Variants in FCRLA observed in about 807,000 individuals in gnomAD.
FCRLA encodes Fc receptor like A.
FCRLA carries 26 observed loss-of-function variants against 28.4 expected under a neutral mutation model. That is an observed-to-expected ratio of 0.91 (90% CI 0.67 to 1.27). The LOEUF is 1.27. Among genes scored for constraint, FCRLA ranks in the 50% most tolerant of loss-of-function variants. The pLI is 0.00. For missense variants in FCRLA, 422 were observed against 433.1 expected, an observed-to-expected ratio of 0.97 and a Z score of 0.23; for synonymous variants, 174 against 168.5, an observed-to-expected ratio of 1.03 and a Z score of -0.25.
chr1:161,708,478 C>A (rs978476781), intron 1 of FCRLA, among the ~76,000 whole-genome samples: 1 of 152,224 alleles, frequency 6.6e-6, no homozygotes, highest in Non-Finnish European at 1.5e-5. Flanking sequence ...CTGTACCCTG[C>A]AGACAGAGTA....
chr1:161,708,899 T>C (rs973871631), intron 1 of FCRLA, among the ~76,000 whole-genome samples: 1 of 152,242 alleles, frequency 6.6e-6, no homozygotes, highest in East Asian at 1.9e-4. Flanking sequence ...TGAGAGCTAT[T>C]TGTGGGTAGT....
In FCRLA at chr1:161,713,886, G is replaced by C. The variant is rs1683230113; in HGVS notation, c.*506G>C. 1 of 152,768 alleles carries C rather than the reference G, an allele frequency of 6.5e-6. No individual in the cohort carries two copies. The highest frequency in any genetic ancestry group is 1.5e-5 in the Non-Finnish European group (1 of 68,390). 9.5% of individuals were successfully genotyped at this position (152,768 alleles called of 1,614,324 possible). A position where few individuals can be genotyped will look rare whatever the true frequency, so the allele number is the denominator to read the frequency against. ...AAAAATAATCTGGCCCAAAATGTCA[G>C]TTGTACTGAGTTTGAGAAACCCCAG... is the stretch of plus-strand genomic sequence containing the variant. On this transcript the variant is annotated 3_prime_UTR_variant, in exon 5 of 5. Coordinates refer to ENST00000236938, the MANE Select transcript of FCRLA (RefSeq NM_032738.4).
chr1:161,709,735 G>C (rs1683004936), intron 1 of FCRLA, among the ~76,000 whole-genome samples: 1 of 152,132 alleles, frequency 6.6e-6, no homozygotes, highest in Admixed American at 6.5e-5. Context: ...CTGGAGGAGG[G>C]GGAGAATAGT....
intron 3 of FCRLA, chr1:161,711,699 T>A: frequency 1.4e-6 from 1 of 727,084 alleles, no homozygotes; most frequent in Non-Finnish European, 2.2e-6. Flanking sequence ...GATCTATGCT[T>A]CCTAGTGCTC....
At chr1:161,707,665 T>C (rs1409321312) in intron 1 of FCRLA, among the ~76,000 whole-genome samples, 1 of 152,204 alleles carries the variant, frequency 6.6e-6, no homozygotes, top group African/African-American at 2.4e-5. Context: ...TCTCACACGC[T>C]CCTCAATGCT....
chr1:161,710,753 TC>T lies in FCRLA; in HGVS notation c.80-6del. On this transcript the variant is annotated splice_polypyrimidine_tract_variant and splice_region_variant and intron_variant, in intron 1 of 4. Transcript: ENST00000236938. ...TTCTGGTTCTCCCTGGGCCATGCCCTCTTCAGCTGCCAGTTTTGAGACGCTG... is the reference window on the plus strand; with the variant it reads ...TTCTGGTTCTCCCTGGGCCATGCCCTTTCAGCTGCCAGTTTTGAGACGCTG... 6.2e-7 allele frequency: 1 copy of T among 1,614,198 alleles called. No individual in the cohort carries two copies. Among genetic ancestry groups the T allele is most frequent in the Non-Finnish European group, 8.5e-7 (1 of 1,180,040 alleles).
At chr1:161,711,768 T>C in intron 3 of FCRLA, 166 bp from the exon 4 acceptor site, 1 of 908,514 alleles carries the variant, frequency 1.1e-6, no homozygotes. Context: ...TTCCTAGTCC[T>C]GTCTACTTAC....
At chr1:161,711,169 A>T (rs762045219) in intron 2 of FCRLA, 39 bp from the exon 3 acceptor site, 2 of 1,577,208 alleles carry the variant, frequency 1.3e-6, no homozygotes, top group Admixed American at 3.5e-5. Context: ...CCCCCAAGGG[A>T]GGCCCTGGGT....
At position 161,710,912 on chromosome 1, in the gene FCRLA, G is replaced by A. The variant is rs1282666092; in HGVS notation, c.232G>A (p.Asp78Asn). Reference sequence around the variant, plus strand: ...ACCCTTCCACCTGATTGTGTCCTATGGTGAGGTCCTGGGAAGGCCTGAGCA... The same window carrying A: ...ACCCTTCCACCTGATTGTGTCCTATAGTGAGGTCCTGGGAAGGCCTGAGCA... ...SEPFHLIVSYDWLILQGPAKP... is the reference protein window; with the variant it reads ...SEPFHLIVSYNWLILQGPAKP... Residue 78 changes from aspartate to asparagine, a missense_variant and splice_region_variant, in exon 2 of 5, where the codon GAC (aspartate) becomes AAC (asparagine). Asp to Asn is a conservative substitution (Grantham distance 23). Transcript: ENST00000236938. 4 of 1,612,728 alleles carry A rather than the reference G, an allele frequency of 2.5e-6. No homozygotes were observed. In the South Asian group the frequency reaches 3.3e-5, roughly 13 times the overall value.
In FCRLA at chr1:161,713,387, A is replaced by AGT. The variant is rs1683210768; in HGVS notation, c.*7_*8insGT. On this transcript the variant is annotated 3_prime_UTR_variant, in exon 5 of 5. Transcript: ENST00000236938. ...AAAGGCTACTGCTGAATAGAAGTAA[A>AGT]CAGTTCATCCATGATCTCACTTAAC... 6.2e-7 allele frequency: 1 copy of AGT among 1,606,790 alleles called. No individual in the cohort carries two copies. The highest frequency in any genetic ancestry group is 8.5e-7 in the Non-Finnish European group (1 of 1,175,320).
At chr1:161,712,342 G>A (rs558703918) in intron 4 of FCRLA, 124 bp downstream of exon 4, 6 of 1,167,032 alleles carry the variant, frequency 5.1e-6, no homozygotes, top group Admixed American at 2.5e-5. Flanking sequence ...CACAGAGGGG[G>A]CAGGAACAAT....
rs960390661 is a variant in FCRLA at position 161,707,230 on chromosome 1, G to A, written c.-35G>A. 2.5e-6 allele frequency: 4 copies of A among 1,614,082 alleles called. No homozygotes were observed. The Admixed American group carries it at 5.0e-5, about 20-fold the overall frequency. On this transcript the variant is annotated 5_prime_UTR_variant, in exon 1 of 5. It adds an upstream start codon to the 5' untranslated region. Coordinates refer to ENST00000236938, the MANE Select transcript of FCRLA (RefSeq NM_032738.4). ...AGAGGTTTCATGTTGAAGAAAATCA[G>A]TGTTGGGGTTGCAGGAGACCTAAAC...
At chr1:161,711,738 A>G (rs1254880428) in intron 3 of FCRLA, 196 bp from the exon 4 acceptor site, 1 of 791,392 alleles carries the variant, frequency 1.3e-6, no homozygotes, top group Admixed American at 2.4e-5. Context: ...CAACTATCAG[A>G]TTTGCCCATC....
chr1:161,713,511 T>G lies in FCRLA; in HGVS notation c.*131T>G, dbSNP rs992191330. The G allele has an allele frequency of 1.4e-6, 1 of 706,104 alleles. No homozygotes were observed. Among genetic ancestry groups the G allele is most frequent in the African/African-American group, 1.8e-5 (1 of 55,940 alleles). 43.7% of individuals were successfully genotyped at this position (706,104 alleles called of 1,614,324 possible). ...CCAGTGTTTTGTTAGAATAATGTAG[T>G]TAGGTGAGTGTAAATAAATTTATAT... is the stretch of plus-strand genomic sequence containing the variant. On this transcript the variant is annotated 3_prime_UTR_variant, in exon 5 of 5. Coordinates refer to ENST00000236938, the MANE Select transcript of FCRLA (RefSeq NM_032738.4).
intron 4 of FCRLA, 49 bp downstream of exon 4, chr1:161,712,267 G>T (rs1287886376): frequency 6.4e-7 from 1 of 1,570,140 alleles, no homozygotes; most frequent in Non-Finnish European, 8.6e-7. Context: ...GCGTGTGAGT[G>T]AAAAGGAGGG....
intron 4 of FCRLA, 34 bp downstream of exon 4, chr1:161,712,252 G>C (rs568736800): frequency 6.3e-7 from 1 of 1,588,150 alleles, no homozygotes; most frequent in South Asian, 1.2e-5. Flanking sequence ...TTGTCTGTTT[G>C]GCATGCGTGT....
Position 161,711,334 on chromosome 1 carries a change from G to C in FCRLA, c.359G>C (p.Gly120Ala), listed in dbSNP as rs112766190. The C allele has an allele frequency of 7.5e-4, 1,216 of 1,614,214 alleles. 6 individuals are homozygous for C. The highest frequency in any genetic ancestry group is 6.8e-3 in the South Asian group (620 of 91,086). Reference protein sequence around the residue: ...VTFYRDGSALGPPGPNREFSI... With the variant: ...VTFYRDGSALAPPGPNREFSI... The stretch of plus-strand genomic sequence containing the variant: ...TTCTACCGAGATGGCTCAGCTCTGG[G>C]TCCCCCCGGGCCTAACAGGGAATTC... Residue 120 changes from glycine to alanine, a missense_variant, in exon 3 of 5, where the codon GGT (glycine) becomes GCT (alanine). By Grantham distance (60) the Gly-to-Ala change is moderately conservative. This residue lies in a region of FCRLA where 231 missense variants were observed against 214.6 expected (regional missense o/e 1.08). Transcript: ENST00000236938.
Position 161,713,209 on chromosome 1 carries a change from T to A in FCRLA, c.909T>A (p.Asp303Glu). The A allele has an allele frequency of 5.0e-6, 8 of 1,614,230 alleles. No individual in the cohort carries two copies. Among genetic ancestry groups the A allele is most frequent in the Non-Finnish European group, 6.8e-6 (8 of 1,180,044 alleles). Reference protein sequence around the residue: ...LPPPPTPSSEDPGFSSPLGMP... With the variant: ...LPPPPTPSSEEPGFSSPLGMP... ...CGCCGCCAACCCCATCTTCTGAGGA[T>A]CCAGGCTTTTCTTCTCCTCTGGGGA... Residue 303 changes from aspartate (D) to glutamate (E), a missense_variant, in exon 5 of 5, where the codon GAT (aspartate) becomes GAA (glutamate). By Grantham distance (45) the Asp-to-Glu change is conservative. This residue lies in a region of FCRLA where 185 missense variants were observed against 198.1 expected (regional missense o/e 0.93). Coordinates refer to ENST00000236938, the MANE Select transcript of FCRLA (RefSeq NM_032738.4).
rs1194320206 is a variant in FCRLA, at chr1:161,710,847, G to A, written c.167G>A (p.Arg56Lys). ...CHTEDDLTDA[R>K]EAGFQVKAYT... ...ACGGAGGATGACTTGACTGATGCAA[G>A]GGAAGCTGGCTTCCAGGTCAAGGCC... Residue 56 changes from arginine to lysine, a missense_variant, in exon 2 of 5, where the codon AGG (arginine) becomes AAG (lysine). By Grantham distance (26) the Arg-to-Lys change is conservative. Around this residue, in one of 3 missense-constraint regions of FCRLA, gnomAD observed 231 missense variants for 214.6 expected, o/e 1.08. Coordinates refer to ENST00000236938, the MANE Select transcript of FCRLA (RefSeq NM_032738.4). 1.2e-6 allele frequency: 2 copies of A among 1,613,982 alleles called. No homozygotes were observed. Among genetic ancestry groups the A allele is most frequent in the East Asian group, 4.5e-5 (2 of 44,880 alleles).
Sources: allele counts gnomAD v4.1 joint callset (sites outside exome capture counted in the v4.1 genomes callset), GRCh38; gene constraint gnomAD v4.1.1; regional missense constraint gnomAD v4.1.1; transcripts MANE v1.5; gene names NCBI Gene and HGNC (gene_info 2026-07-23, HGNC 2026-07-21).